Variants in MPPED1 observed in about 807,000 individuals in gnomAD.
MPPED1 encodes the protein metallophosphoesterase domain containing 1, also known as metallophosphoesterase domain-containing protein 1.
In MPPED1, 16 loss-of-function variants were observed where a neutral mutation model predicts 36.2. The observed-to-expected ratio is 0.44, with a 90% CI of 0.30 to 0.67. The LOEUF is 0.67. Ranked by LOEUF, MPPED1 falls within the 30% of genes least tolerant of loss-of-function variation. MPPED1 has a pLI of 0.10. For synonymous variants in MPPED1, 199 were observed against 191.3 expected, an observed-to-expected ratio of 1.04 and a Z score of -0.33; for missense variants, 307 against 453.4, an observed-to-expected ratio of 0.68 and a Z score of 2.93.
rs773884811 is a variant in MPPED1 at position 43,474,720 on chromosome 22, G to A, written c.407-16G>A. Reference sequence around the variant, plus strand: ...ACGGCTGTGTGCTGTGTGTCTGTCTGTGTCCACCCCTGCAGGCAGCCTGCC... The same window carrying A: ...ACGGCTGTGTGCTGTGTGTCTGTCTATGTCCACCCCTGCAGGCAGCCTGCC... On this transcript the variant is annotated splice_polypyrimidine_tract_variant and intron_variant, in intron 3 of 6. Transcript: ENST00000443721. The surrounding 1 kb of genome is among the most constrained non-coding windows in gnomAD (Gnocchi z 5.2). 5 of 1,613,128 alleles carry A rather than the reference G, an allele frequency of 3.1e-6. No homozygotes were observed. The Admixed American group carries it at 8.3e-5, about 27-fold the overall frequency.
intron 3 of MPPED1, among the ~76,000 whole-genome samples, chr22:43,468,485 CA>C (rs765049501): frequency 1.8e-4 from 27 of 152,340 alleles, no homozygotes; most frequent in Middle Eastern, 3.4e-3. Flanking sequence ...GTCTACTCAT[CA>C]GGCATGTCCT....
At chr22:43,458,212 CTG>C (rs1329240651) in intron 3 of MPPED1, among the ~76,000 whole-genome samples, 1 of 152,120 alleles carries the variant, frequency 6.6e-6, no homozygotes, top group East Asian at 1.9e-4. Flanking sequence ...CAGTCCATGA[CTG>C]TATTCCTTAG....
At position 43,474,696 on chromosome 22, in the gene MPPED1, C is replaced by T. The variant is rs372546497; in HGVS notation, c.407-40C>T. The T allele has an allele frequency of 1.6e-5, 25 of 1,601,216 alleles. No homozygotes were observed. The highest frequency in any genetic ancestry group is 2.1e-5 in the Non-Finnish European group (24 of 1,169,180). On this transcript the variant is annotated intron_variant, in intron 3 of 6. Transcript: ENST00000443721. This position sits in a 1 kb window ranked among gnomAD's most constrained non-coding sequence, Gnocchi z 5.2. ...GTGCTGTGGCTTCTGGACAAGCTGA[C>T]GGCTGTGTGCTGTGTGTCTGTCTGT...
rs1186496241 is a variant in MPPED1 at position 43,435,055 on chromosome 22, T to C, written c.246T>C (p.Asp82=). The change falls in exon 3 of 7, where the codon GAT becomes GAC. Residue 82 remains aspartate, a synonymous_variant. Transcript: ENST00000443721. ...HVQMVDPVPH[D]APKPPGYTRF... The stretch of plus-strand genomic sequence containing the variant: ...GCAGGGTGGACCCGGTGCCTCACGA[T>C]GCCCCCAAACCTCCAGGCTACACCC... 1.9e-6 allele frequency: 3 copies of C among 1,613,734 alleles called. No individual in the cohort carries two copies. The South Asian group carries it at 3.3e-5, about 18-fold the overall frequency.
intron 4 of MPPED1, among the ~76,000 whole-genome samples, chr22:43,478,368 A>C (rs751481465): frequency 1.4e-4 from 21 of 151,994 alleles, no homozygotes; most frequent in Non-Finnish European, 2.8e-4. Flanking sequence ...TGCCAGGGAG[A>C]CCCTGGGGAC....
rs550818249 is a variant in MPPED1, at chr22:43,460,958, G to A, written c.407-13778G>A. 2.0e-5 allele frequency among the ~76,000 whole-genome samples: 3 copies of A among 152,238 alleles called. No individual in the cohort carries two copies. In the South Asian group the frequency reaches 6.2e-4, roughly 32 times the overall value. ...GTTGGCCTCTTGTTTGCCCTAACTG[G>A]TATGGCCTCCTTGGGAAGCTGTGAT... On this transcript the variant is annotated intron_variant, in intron 3 of 6. Transcript: ENST00000443721.
Position 43,468,958 on chromosome 22 carries a change from G to A in MPPED1, c.407-5778G>A, listed in dbSNP as rs932111971. Among the ~76,000 whole-genome samples, 12 of 152,294 alleles carry A rather than the reference G, an allele frequency of 7.9e-5. No individual in the cohort carries two copies. In the East Asian group the frequency reaches 2.3e-3, roughly 29 times the overall value. Reference sequence around the variant, plus strand: ...CTTACCAAGGCAAGCACAGCCCCCAGCACCTGCACTGCTGTCCACCGTGCC... The same window carrying A: ...CTTACCAAGGCAAGCACAGCCCCCAACACCTGCACTGCTGTCCACCGTGCC... On this transcript the variant is annotated intron_variant, in intron 3 of 6. Coordinates refer to ENST00000443721, the MANE Select transcript of MPPED1 (RefSeq NM_001044370.2).
chr22:43,428,343 T>C (rs1929555662), intron 2 of MPPED1, among the ~76,000 whole-genome samples: 1 of 152,172 alleles, frequency 6.6e-6, no homozygotes, highest in South Asian at 2.1e-4. Flanking sequence ...GGAGGGAGCA[T>C]GCTCCGAGCT....
At chr22:43,479,962 A>T (rs1005986869) in intron 4 of MPPED1, among the ~76,000 whole-genome samples, 28 of 152,198 alleles carry the variant, frequency 1.8e-4, no homozygotes, top group African/African-American at 6.7e-4. Context: ...GCCTGGGCTC[A>T]AGTGATCCCC....
At chr22:43,481,022 C>T (rs986325138) in intron 4 of MPPED1, among the ~76,000 whole-genome samples, 1 of 152,074 alleles carries the variant, frequency 6.6e-6, no homozygotes, top group African/African-American at 2.4e-5. Flanking sequence ...AGGGTTTCAC[C>T]ATGTTGGCCA....
At chr22:43,428,079 G>A (rs1929544028) in intron 2 of MPPED1, among the ~76,000 whole-genome samples, 1 of 152,188 alleles carries the variant, frequency 6.6e-6, no homozygotes, top group Non-Finnish European at 1.5e-5. Context: ...GTGATCGAAG[G>A]CACCCCTGCC....
intron 5 of MPPED1, among the ~76,000 whole-genome samples, chr22:43,500,425 T>C (rs980517518): frequency 7.0e-6 from 1 of 142,740 alleles, no homozygotes; most frequent in Non-Finnish European, 1.5e-5. Context: ...GAGGTGGTAA[T>C]GGAGGTGGTG....
At chr22:43,444,262 G>C (rs1930251663) in intron 3 of MPPED1, among the ~76,000 whole-genome samples, 1 of 145,600 alleles carries the variant, frequency 6.9e-6, no homozygotes, top group African/African-American at 2.5e-5. Context: ...CTTTGGAAAT[G>C]AAATGAGACC....
At chr22:43,464,115 A>G (rs1041924025) in intron 3 of MPPED1, among the ~76,000 whole-genome samples, 2 of 151,458 alleles carry the variant, frequency 1.3e-5, no homozygotes, top group African/African-American at 4.9e-5. Context: ...CACCATGTTG[A>G]CCAGGCTGGT....
At chr22:43,463,843 C>CTT (rs886077801) in intron 3 of MPPED1, among the ~76,000 whole-genome samples, 1 of 121,734 alleles carries the variant, frequency 8.2e-6, no homozygotes, top group Non-Finnish European at 1.8e-5. Context: ...TTCTTTCTTT[C>CTT]TTTCTTTCTT....
At chr22:43,468,502 A>G (rs758139081) in intron 3 of MPPED1, among the ~76,000 whole-genome samples, 1 of 152,190 alleles carries the variant, frequency 6.6e-6, no homozygotes, top group Non-Finnish European at 1.5e-5. Context: ...GTCCTACCAG[A>G]GGCTGGTCAT....
chr22:43,453,018 C>T (rs796649819), intron 3 of MPPED1, among the ~76,000 whole-genome samples: 5 of 150,614 alleles, frequency 3.3e-5, no homozygotes, highest in African/African-American at 9.8e-5. Flanking sequence ...GGCTCAATCT[C>T]GGCTCACTGC....
chr22:43,499,615 T>TGGTGATGGA, intron 5 of MPPED1, among the ~76,000 whole-genome samples: 1 of 30,808 alleles, frequency 3.2e-5, no homozygotes, highest in African/African-American at 1.7e-4. Context: ...GTGGTGGTGA[T>TGGTGATGGA]GGTGGTGGTG....
intron 4 of MPPED1, among the ~76,000 whole-genome samples, chr22:43,492,530 G>A (rs975281325): frequency 6.6e-6 from 1 of 152,112 alleles, no homozygotes; most frequent in African/African-American, 2.4e-5. Flanking sequence ...TGTGGGTGGG[G>A]GTCCCTGAGA....
Sources: allele counts gnomAD v4.1 joint callset (sites outside exome capture counted in the v4.1 genomes callset), GRCh38; gene constraint gnomAD v4.1.1; non-coding constraint Gnocchi (gnomAD v3.1); transcripts MANE v1.5; gene names NCBI Gene and HGNC (gene_info 2026-07-23, HGNC 2026-07-21).